CEP250: variants seen among roughly 807,000 people sequenced by gnomAD.
CEP250 encodes centrosome-associated protein CEP250.
CEP250 carries 242 observed loss-of-function variants against 315.7 expected under a neutral mutation model. The observed-to-expected ratio is 0.77, with a 90% CI of 0.69 to 0.85. The LOEUF is 0.85. Among genes scored for constraint, CEP250 ranks in the 40% least tolerant of loss-of-function variants. CEP250 has a pLI of 0.00. For synonymous variants in CEP250, 1,088 were observed against 1,175.0 expected (o/e 0.93, Z 1.51); for missense variants, 2,515 against 2,886.4 (o/e 0.87, Z 2.95).
chr20:35,505,559 A>G (rs2064161289), intron 30 of CEP250, among the ~76,000 whole-genome samples: 1 of 150,632 alleles, frequency 6.6e-6, no homozygotes, highest in African/African-American at 2.4e-5. Flanking sequence ...AGTCTGAGGC[A>G]GGAGAATTGC....
chr20:35,470,267 A>G, intron 10 of CEP250: 1 of 475,122 alleles, frequency 2.1e-6, no homozygotes, highest in African/African-American at 2.0e-5. Flanking sequence ...ACATTCAGAG[A>G]CACATTGGCA....
At chr20:35,474,308 C>T (rs1187379576) in intron 14 of CEP250, among the ~76,000 whole-genome samples, 2 of 152,186 alleles carry the variant, frequency 1.3e-5, no homozygotes, top group Non-Finnish European at 2.9e-5. Context: ...GCCCTGATTT[C>T]AGGGAACTTG....
intron 30 of CEP250, among the ~76,000 whole-genome samples, chr20:35,505,954 C>T (rs906661908): frequency 8.5e-5 from 13 of 152,112 alleles, no homozygotes; most frequent in Non-Finnish European, 1.9e-4. Flanking sequence ...CTCAGGCTGC[C>T]GTGTGGAGCA....
At chr20:35,487,171 G>T (rs1468195317) in intron 20 of CEP250, among the ~76,000 whole-genome samples, 6 of 152,128 alleles carry the variant, frequency 3.9e-5, no homozygotes, top group African/African-American at 1.4e-4. Flanking sequence ...CTGGCAATTA[G>T]AAGCACTCTT....
chr20:35,507,822 A>G lies in CEP250; in HGVS notation c.6721A>G (p.Arg2241Gly), dbSNP rs1335584912. 56 of 1,588,774 alleles carry G rather than the reference A, an allele frequency of 3.5e-5. No homozygotes were observed. Among genetic ancestry groups the G allele is most frequent in the Non-Finnish European group, 4.7e-5 (55 of 1,167,968 alleles). Reference protein sequence around the residue: ...GATSTAELGSRGEQGVQLGEV... With the variant: ...GATSTAELGSGGEQGVQLGEV... ...AACCAGCACAGCAGAACTGGGGTCC[A>G]GAGGGGAGCAGGGTGTGCAGCTGGG... Residue 2241 changes from arginine (R) to glycine (G), a missense_variant, in exon 31 of 35, where the codon AGA becomes GGA. Arg to Gly is a moderately radical substitution (Grantham distance 125). Transcript: ENST00000397527.
chr20:35,511,573 G>A lies in CEP250; in HGVS notation c.7276G>A (p.Gly2426Arg), dbSNP rs1480563515. ...CCTGACTCAAAGTCTGACATCCCCA[G>A]GGCCAGTCCTGCTACACCCCAGCCC... ...ESLTQSLTSP[G>R]PVLLHPSPST... is the part of the protein sequence containing the mutation. The change falls in exon 35 of 35, where the codon GGG becomes AGG. Residue 2426 changes from glycine to arginine, a missense_variant. Transcript: ENST00000397527. The A allele has an allele frequency of 6.2e-7, 1 of 1,613,598 alleles. No homozygotes were observed. The highest frequency in any genetic ancestry group is 1.3e-5 in the African/African-American group (1 of 74,876).
At chr20:35,509,183 T>G (rs1228873403) in intron 33 of CEP250, 139 bp downstream of exon 33, 1 of 684,766 alleles carries the variant, frequency 1.5e-6, no homozygotes, top group African/African-American at 1.8e-5. Context: ...TCTGCCCTGC[T>G]CGGCACAGCT....
chr20:35,503,314 C>T lies in CEP250; in HGVS notation c.4945C>T (p.Leu1649=), dbSNP rs756838167. Reference sequence around the variant, plus strand: ...GGAGCTGCAGAGGCAGAAAGAGCATCTGACTCAGGATCTCGAGAGGAGAGA... The same window carrying T: ...GGAGCTGCAGAGGCAGAAAGAGCATTTGACTCAGGATCTCGAGAGGAGAGA... ...IEELQRQKEH[L]TQDLERRDQE... is the part of the protein sequence containing the mutation. Residue 1649 remains leucine (L), a synonymous_variant, in exon 30 of 35, where the codon CTG becomes TTG. Coordinates refer to ENST00000397527, the MANE Select transcript of CEP250 (RefSeq NM_007186.6). The surrounding 1 kb of genome is among the most constrained non-coding windows in gnomAD (Gnocchi z 4.2). 1.2e-6 allele frequency: 2 copies of T among 1,614,050 alleles called. No individual in the cohort carries two copies. The highest frequency in any genetic ancestry group is 2.7e-5 in the African/African-American group (2 of 74,920).
chr20:35,460,847 T>C (rs1486851520), intron 3 of CEP250, among the ~76,000 whole-genome samples: 1 of 152,270 alleles, frequency 6.6e-6, no homozygotes, highest in Non-Finnish European at 1.5e-5. Flanking sequence ...CATGCATTTC[T>C]TCACTGGACA....
chr20:35,479,473 C>G (rs1486032198), intron 18 of CEP250, 49 bp downstream of exon 18: 2 of 1,576,056 alleles, frequency 1.3e-6, no homozygotes, highest in Admixed American at 1.9e-5. Flanking sequence ...CTTTGCAAGG[C>G]AAAGGCGTGA....
chr20:35,498,389 A>G (rs1215056517), intron 26 of CEP250, among the ~76,000 whole-genome samples: 2 of 152,200 alleles, frequency 1.3e-5, no homozygotes, highest in Non-Finnish European at 2.9e-5. Context: ...TTAAGTGCGT[A>G]ATAAGTGATA....
rs747984135 is a variant in CEP250 at position 35,480,090 on chromosome 20, T to C, written c.2531T>C (p.Leu844Ser). 2.9e-5 allele frequency: 47 copies of C among 1,612,638 alleles called. No individual in the cohort carries two copies. Among genetic ancestry groups the C allele is most frequent in the Non-Finnish European group, 3.3e-5 (39 of 1,180,032 alleles). ...GCTGAGCAAGAAGGGAAGACTGCCTTGGAGCAGCAGAAGGCAGCCCATGAG... is the reference window on the plus strand; with the variant it reads ...GCTGAGCAAGAAGGGAAGACTGCCTCGGAGCAGCAGAAGGCAGCCCATGAG... ...AQAEQEGKTALEQQKAAHEKE... is the reference protein window; with the variant it reads ...AQAEQEGKTASEQQKAAHEKE... The change falls in exon 20 of 35, where the codon TTG becomes TCG. Residue 844 changes from leucine (L) to serine (S), a missense_variant. Physicochemically the swap from Leu to Ser is moderately radical, Grantham distance 145. Transcript: ENST00000397527.
At chr20:35,470,186 C>A in intron 10 of CEP250, 200 bp downstream of exon 10, 1 of 599,534 alleles carries the variant, frequency 1.7e-6, no homozygotes, top group South Asian at 2.1e-5. Context: ...TGTCTACTAT[C>A]CCTACTGTAT....
chr20:35,509,849 C>G, intron 33 of CEP250, 149 bp from the exon 34 acceptor site: 2 of 709,576 alleles, frequency 2.8e-6, no homozygotes, highest in South Asian at 1.6e-5. Context: ...GGCCTGCTGC[C>G]CCATAGACGT....
intron 26 of CEP250, 75 bp downstream of exon 26, chr20:35,498,142 G>C: frequency 8.9e-7 from 1 of 1,128,640 alleles, no homozygotes. Flanking sequence ...GGAGAGGAAT[G>C]CTATTTGTTA....
chr20:35,465,009 C>T (rs2062839597), intron 5 of CEP250, among the ~76,000 whole-genome samples: 1 of 152,130 alleles, frequency 6.6e-6, no homozygotes, highest in South Asian at 2.1e-4. Flanking sequence ...GATGAAATTC[C>T]AGCATAAGTC....
intron 22 of CEP250, among the ~76,000 whole-genome samples, chr20:35,491,895 CAAAAA>C (rs34747030): frequency 3.1e-5 from 2 of 63,920 alleles, no homozygotes; most frequent in Non-Finnish European, 2.6e-5. Context: ...GAGCGAGTCT[CAAAAA>C]AAAAAAAAAA....
chr20:35,467,207 T>C, intron 8 of CEP250, 97 bp from the exon 9 acceptor site: 1 of 1,486,362 alleles, frequency 6.7e-7, no homozygotes, highest in South Asian at 1.2e-5. Flanking sequence ...AGCAGATGAT[T>C]TTTCCCAGCC....
At position 35,467,472 on chromosome 20, in the gene CEP250, G is replaced by A; in HGVS notation, c.768G>A (p.Leu256=). Residue 256 remains leucine (L), a synonymous_variant, in exon 9 of 35, where the codon CTG becomes CTA. Transcript: ENST00000397527. The part of the protein sequence containing the change: ...LLLLLAKTQE[L]EKEAHERSQE... ...TGCTACTAGCCAAGACCCAGGAGCT[G>A]GAGAAGGAAGCCCATGAAAGGAGCC... is the stretch of plus-strand genomic sequence containing the variant. The A allele has an allele frequency of 6.2e-7, 1 of 1,614,176 alleles. No individual in the cohort carries two copies. Among genetic ancestry groups the A allele is most frequent in the Non-Finnish European group, 8.5e-7 (1 of 1,180,034 alleles).
Sources: allele counts gnomAD v4.1 joint callset (sites outside exome capture counted in the v4.1 genomes callset), GRCh38; gene constraint gnomAD v4.1.1; non-coding constraint Gnocchi (gnomAD v3.1); transcripts MANE v1.5; gene names NCBI Gene and HGNC (gene_info 2026-07-23, HGNC 2026-07-21).